CNTNAP2: variants seen among roughly 807,000 people sequenced by gnomAD.
CNTNAP2 encodes the protein contactin associated protein 2, also known as contactin-associated protein-like 2.
In CNTNAP2, 98 loss-of-function variants were observed where a neutral mutation model predicts 155.2. The ratio of observed to expected loss-of-function variants is 0.63; its 90% CI spans 0.54 to 0.75. The LOEUF is 0.75. Ranked by LOEUF, CNTNAP2 falls within the 30% of genes least tolerant of loss-of-function variation. CNTNAP2 has a pLI of 0.00. For missense variants in CNTNAP2, 1,727 were observed against 1,688.1 expected (o/e 1.02, Z -0.40); for synonymous variants, 651 against 631.2 (o/e 1.03, Z -0.47).
intron 15 of CNTNAP2, among the ~76,000 whole-genome samples, chr7:148,019,488 C>G (rs1412867339): frequency 6.6e-6 from 1 of 152,130 alleles, no homozygotes; most frequent in African/African-American, 2.4e-5. Context: ...GAGACAGAGT[C>G]TAGCTCTGTC....
chr7:147,341,769 TAC>T (rs35486619), intron 9 of CNTNAP2, among the ~76,000 whole-genome samples: 43,922 of 147,048 alleles, frequency 0.3, 6,350 homozygotes, highest in Middle Eastern at 0.37. Flanking sequence ...CACATACACA[TAC>T]ACACACACAC....
intron 13 of CNTNAP2, among the ~76,000 whole-genome samples, chr7:147,771,525 A>G (rs1046131174): frequency 6.6e-6 from 1 of 152,188 alleles, no homozygotes; most frequent in Admixed American, 6.5e-5. Context: ...GTGCCTTTCT[A>G]TTTTGTTAGG....
rs535582113 is a variant in CNTNAP2 at position 148,191,055 on chromosome 7, G to A, written c.3010+18577G>A. Among the ~76,000 whole-genome samples the A allele has an allele frequency of 2.0e-5, 3 of 152,242 alleles. No individual in the cohort carries two copies. In the South Asian group the frequency reaches 6.2e-4, roughly 32 times the overall value. ...GACTATCTTTGTCTTTAGTCTCTTT[G>A]GGCTGTGCTAAGGATTGAATGTGTC... is the stretch of plus-strand genomic sequence containing the variant. On this transcript the variant is annotated intron_variant, in intron 18 of 23. Coordinates refer to ENST00000361727, the MANE Select transcript of CNTNAP2 (RefSeq NM_014141.6).
At chr7:146,213,457 T>C (rs1799066660) in intron 1 of CNTNAP2, among the ~76,000 whole-genome samples, 1 of 152,192 alleles carries the variant, frequency 6.6e-6, no homozygotes, top group Non-Finnish European at 1.5e-5. Context: ...TTTATTTACA[T>C]GACGACACTG....
At chr7:147,735,730 A>G (rs1345827498) in intron 13 of CNTNAP2, among the ~76,000 whole-genome samples, 1 of 152,022 alleles carries the variant, frequency 6.6e-6, no homozygotes. Flanking sequence ...TATATATTTA[A>G]GATAGTTAGT....
Position 147,600,397 on chromosome 7 carries a change from T to C in CNTNAP2, c.1897+38140T>C, listed in dbSNP as rs187843305. ...ACGGTCTCTACCACAACTATTCAAC[T>C]CTGCCTTTGTAGTGCAATGGCAGCC... is the stretch of plus-strand genomic sequence containing the variant. On this transcript the variant is annotated intron_variant, in intron 12 of 23. Coordinates refer to ENST00000361727, the MANE Select transcript of CNTNAP2 (RefSeq NM_014141.6). 9.8e-4 allele frequency among the ~76,000 whole-genome samples: 150 copies of C among 152,356 alleles called. 1 individual carries two copies. Among genetic ancestry groups the C allele is most frequent in the African/African-American group, 3.4e-3 (142 of 41,586 alleles).
chr7:148,385,192 G>T (rs1346732374), intron 22 of CNTNAP2, among the ~76,000 whole-genome samples: 2 of 152,286 alleles, frequency 1.3e-5, no homozygotes, highest in East Asian at 3.9e-4. Context: ...AAATTGCCCT[G>T]TTGTCAGAAT....
chr7:146,347,987 G>A (rs965153803), intron 1 of CNTNAP2, among the ~76,000 whole-genome samples: 1 of 152,066 alleles, frequency 6.6e-6, no homozygotes, highest in Non-Finnish European at 1.5e-5. Flanking sequence ...TTTTATTAAC[G>A]GCCCTGCGAG....
intron 14 of CNTNAP2, among the ~76,000 whole-genome samples, chr7:147,957,935 T>C (rs1391806736): frequency 6.6e-6 from 1 of 151,918 alleles, no homozygotes; most frequent in Non-Finnish European, 1.5e-5. Context: ...ATTAGCCAGG[T>C]GTGGTGTCAT....
rs150153884 is a variant in CNTNAP2 at position 146,276,155 on chromosome 7, C to G, written c.97+159182C>G. ...TGATAGCTAGAACTGTCAAGGGGAC[C>G]AAGACAATCATATTTACTGATGAAT... On this transcript the variant is annotated intron_variant, in intron 1 of 23. Transcript: ENST00000361727. Among the ~76,000 whole-genome samples, 409 of 152,264 alleles carry G rather than the reference C, an allele frequency of 2.7e-3. 2 individuals carry two copies. Among genetic ancestry groups the G allele is most frequent in the African/African-American group, 9.2e-3 (384 of 41,548 alleles).
intron 1 of CNTNAP2, among the ~76,000 whole-genome samples, chr7:146,120,757 A>G (rs1467780384): frequency 2.0e-5 from 3 of 152,164 alleles, no homozygotes; most frequent in African/African-American, 7.2e-5. Flanking sequence ...AGATACACAA[A>G]GAGGCATTGT....
chr7:148,235,689 T>TA (rs1404691970), intron 20 of CNTNAP2, among the ~76,000 whole-genome samples: 1 of 147,762 alleles, frequency 6.8e-6, no homozygotes, highest in African/African-American at 2.5e-5. Flanking sequence ...GCAATTATTT[T>TA]TTTTTTTTTT....
At chr7:146,461,857 G>A (rs1439177693) in intron 1 of CNTNAP2, among the ~76,000 whole-genome samples, 2 of 152,278 alleles carry the variant, frequency 1.3e-5, no homozygotes, top group South Asian at 4.1e-4. Context: ...GAAAATCAAC[G>A]TAGACTAGGC....
At chr7:148,186,755 A>G (rs1185718131) in intron 18 of CNTNAP2, among the ~76,000 whole-genome samples, 1 of 152,186 alleles carries the variant, frequency 6.6e-6, no homozygotes, top group Non-Finnish European at 1.5e-5. Context: ...TTGACACAAA[A>G]GGGGTATTTA....
chr7:146,294,285 C>G (rs143975200), intron 1 of CNTNAP2, among the ~76,000 whole-genome samples: 44 of 152,270 alleles, frequency 2.9e-4, no homozygotes, highest in African/African-American at 1.0e-3. Context: ...CCCAGAAATT[C>G]AAGTAACTTT....
intron 13 of CNTNAP2, among the ~76,000 whole-genome samples, chr7:147,722,118 T>C (rs1334493673): frequency 1.3e-5 from 2 of 152,190 alleles, no homozygotes; most frequent in African/African-American, 4.8e-5. Flanking sequence ...GAACTGGGGC[T>C]AGCCCCAAAC....
chr7:148,382,387 C>T (rs972462020), intron 21 of CNTNAP2, among the ~76,000 whole-genome samples: 1 of 152,172 alleles, frequency 6.6e-6, no homozygotes, highest in African/African-American at 2.4e-5. Context: ...ACCCCGCAGA[C>T]AGATACGGCT....
intron 3 of CNTNAP2, among the ~76,000 whole-genome samples, chr7:146,999,363 CAAAT>C (rs1798380068): frequency 6.6e-6 from 1 of 151,260 alleles, no homozygotes; most frequent in Admixed American, 6.6e-5. Context: ...TATCGATTAA[CAAAT>C]AATTTTAGTT....
At chr7:146,509,880 A>C (rs1422593189) in intron 1 of CNTNAP2, among the ~76,000 whole-genome samples, 1 of 152,146 alleles carries the variant, frequency 6.6e-6, no homozygotes, top group Non-Finnish European at 1.5e-5. Context: ...TGCCTTATCC[A>C]TGCACACAGG....
Sources: gnomAD v4.1 joint callset for allele counts (sites outside exome capture counted in the v4.1 genomes callset) on GRCh38, gnomAD v4.1.1 for gene constraint, MANE v1.5 for transcripts, NCBI Gene and HGNC (gene_info 2026-07-23, HGNC 2026-07-21) for gene names.